The following OCA2 variants were observed in gnomAD, a reference collection of about 807,000 sequenced individuals.
The protein encoded by OCA2 is P protein.
A neutral mutation model predicts 100.2 loss-of-function variants in OCA2; 77 were observed. The ratio of observed to expected loss-of-function variants is 0.77; its 90% CI spans 0.64 to 0.93. The LOEUF (loss-of-function observed/expected upper bound fraction) is 0.93, where lower values mean the gene tolerates loss of function less well. Ranked by LOEUF, OCA2 falls within the 40% of genes least tolerant of loss-of-function variation. OCA2 has a pLI of 0.00. For missense variants in OCA2, 1,062 were observed against 1,089.1 expected, an observed-to-expected ratio of 0.98 and a Z score of 0.35; for synonymous variants, 432 against 439.2, an observed-to-expected ratio of 0.98 and a Z score of 0.21.
chr15:27,842,035 G>A (rs1379783116), intron 23 of OCA2, among the ~76,000 whole-genome samples: 1 of 152,198 alleles, frequency 6.6e-6, no homozygotes, highest in East Asian at 1.9e-4. Context: ...TATCAGAAAT[G>A]AAACAAGGTT....
intron 18 of OCA2, among the ~76,000 whole-genome samples, chr15:27,929,890 T>A (rs2039184763): frequency 6.6e-6 from 1 of 151,864 alleles, no homozygotes; most frequent in South Asian, 2.1e-4. Flanking sequence ...GAAAAGATGG[T>A]CAAATATCAC....
chr15:27,796,050 C>T (rs1019307325), intron 23 of OCA2, among the ~76,000 whole-genome samples: 1 of 152,206 alleles, frequency 6.6e-6, no homozygotes, highest in Non-Finnish European at 1.5e-5. Context: ...TGCACCACTA[C>T]CAGCCTGGTT....
At chr15:27,832,881 C>A (rs562133388) in intron 23 of OCA2, among the ~76,000 whole-genome samples, 1 of 141,284 alleles carries the variant, frequency 7.1e-6, no homozygotes, top group East Asian at 2.1e-4. Flanking sequence ...AGCACGATCT[C>A]GGGTCACTGC....
chr15:28,058,727 A>G (rs370473540), intron 2 of OCA2, among the ~76,000 whole-genome samples: 3 of 152,362 alleles, frequency 2.0e-5, no homozygotes, highest in African/African-American at 7.2e-5. Context: ...AAAACACTTA[A>G]CAGAAAATTG....
At chr15:27,947,091 C>T (rs537473443) in intron 18 of OCA2, among the ~76,000 whole-genome samples, 16 of 152,226 alleles carry the variant, frequency 1.1e-4, no homozygotes, top group Non-Finnish European at 2.4e-4. Flanking sequence ...CTTGGCTGAA[C>T]CTAAGCTTTA....
the OCA2 span, among the ~76,000 whole-genome samples, chr15:27,723,521 C>A: frequency 2.0e-5 from 3 of 151,836 alleles, no homozygotes; most frequent in African/African-American, 7.3e-5. Flanking sequence ...CAGAAGGGCA[C>A]CCCCACCACC....
chr15:27,822,121 G>A lies in OCA2; in HGVS notation c.2432+22838C>T, dbSNP rs1047603433. ...GCACCTATCATACCTGTACATCAATGGATTACTACAAGCTGAGCACGTGTG... is the reference window on the plus strand; with the variant it reads ...GCACCTATCATACCTGTACATCAATAGATTACTACAAGCTGAGCACGTGTG... On this transcript the variant is annotated intron_variant, in intron 23 of 23. Transcript: ENST00000354638. 2.6e-5 allele frequency among the ~76,000 whole-genome samples: 4 copies of A among 151,896 alleles called. No individual in the cohort carries two copies. In the South Asian group the frequency reaches 8.3e-4, roughly 32 times the overall value.
intron 5 of OCA2, among the ~76,000 whole-genome samples, chr15:28,023,496 A>G (rs2042657323): frequency 6.6e-6 from 1 of 152,146 alleles, no homozygotes; most frequent in Non-Finnish European, 1.5e-5. Context: ...GCAGGTCACG[A>G]AACAGCCAGC....
chr15:27,759,658 CT>C (rs1214086605), intron 23 of OCA2, among the ~76,000 whole-genome samples: 1 of 150,642 alleles, frequency 6.6e-6, no homozygotes, highest in East Asian at 2.0e-4. Flanking sequence ...AATAACTGAG[CT>C]GAAAAATTGA....
chr15:28,035,486 T>C (rs1433771139), intron 2 of OCA2, among the ~76,000 whole-genome samples: 1 of 152,200 alleles, frequency 6.6e-6, no homozygotes, highest in East Asian at 1.9e-4. Context: ...ACAGATCACA[T>C]GTAGAGAAGA....
intron 17 of OCA2, 52 bp from the exon 18 acceptor site, chr15:27,951,944 G>A (rs1274113953): frequency 3.3e-6 from 4 of 1,226,480 alleles, no homozygotes; most frequent in Non-Finnish European, 4.8e-6. Flanking sequence ...TCTGACTCCT[G>A]CAGCGTGTCA....
chr15:27,771,660 T>C (rs538723593), intron 23 of OCA2, among the ~76,000 whole-genome samples: 42 of 152,220 alleles, frequency 2.8e-4, no homozygotes, highest in Non-Finnish European at 4.7e-4. Flanking sequence ...ATAATACATG[T>C]TTTTCCAGAA....
chr15:27,985,436 G>A (rs1379420810), intron 12 of OCA2, among the ~76,000 whole-genome samples: 1 of 152,174 alleles, frequency 6.6e-6, no homozygotes, highest in East Asian at 1.9e-4. Context: ...CAGAGCCCCT[G>A]TGATGGTTAA....
intron 19 of OCA2, among the ~76,000 whole-genome samples, chr15:27,891,101 A>T (rs76464241): frequency 0.015 from 2,314 of 152,174 alleles, 51 homozygotes; most frequent in African/African-American, 0.049. Context: ...CACACAATAG[A>T]TTATTCCTTT....
chr15:27,813,933 T>C (rs1219366600), intron 23 of OCA2, among the ~76,000 whole-genome samples: 10 of 152,222 alleles, frequency 6.6e-5, no homozygotes, highest in African/African-American at 2.4e-4. Flanking sequence ...TAGATGTACA[T>C]ATTTTCAGAG....
At chr15:28,007,878 C>A (rs1375004492) in intron 9 of OCA2, among the ~76,000 whole-genome samples, 1 of 152,138 alleles carries the variant, frequency 6.6e-6, no homozygotes, top group Non-Finnish European at 1.5e-5. Flanking sequence ...ATTAAAAGAC[C>A]TAAGGGAACC....
intron 9 of OCA2, among the ~76,000 whole-genome samples, chr15:28,011,212 C>A (rs2042229802): frequency 6.6e-6 from 1 of 152,188 alleles, no homozygotes; most frequent in African/African-American, 2.4e-5. Context: ...CACCTGTAAT[C>A]TTAGCACTTT....
At chr15:28,070,440 G>T (rs1285647524) in intron 2 of OCA2, among the ~76,000 whole-genome samples, 2 of 120,508 alleles carry the variant, frequency 1.7e-5, no homozygotes, top group African/African-American at 8.8e-5. Context: ...GGAGGGAGAT[G>T]GGGGGGTCAG....
rs74007371 is a variant in OCA2, at chr15:27,783,870, C to T, written c.2433-28398G>A. Among the ~76,000 whole-genome samples the T allele has an allele frequency of 5.7e-3, 862 of 152,296 alleles. 14 individuals are homozygous for T. Among genetic ancestry groups the T allele is most frequent in the African/African-American group, 0.02 (824 of 41,564 alleles). ...GCCAGGCCTGGATCACTGTCCAGGA[C>T]GTCCTTATGGGAGGACAGCAAGCAC... On this transcript the variant is annotated intron_variant, in intron 23 of 23. Transcript: ENST00000354638.
Sources: allele counts gnomAD v4.1 joint callset (sites outside exome capture counted in the v4.1 genomes callset), GRCh38; gene constraint gnomAD v4.1.1; transcripts MANE v1.5; gene names NCBI Gene and HGNC (gene_info 2026-07-23, HGNC 2026-07-21).